Variants in SRD5A2 observed in about 807,000 individuals in gnomAD.
SRD5A2 encodes steroid 5 alpha-reductase 2.
SRD5A2 carries 30 observed loss-of-function variants against 27.4 expected under a neutral mutation model. The observed-to-expected ratio is 1.10, with a 90% confidence interval of 0.82 to 1.49. SRD5A2 has a LOEUF of 1.49. SRD5A2 is among the 40% of genes most tolerant of loss of function. SRD5A2 has a pLI of 0.00. For synonymous variants in SRD5A2, 141 were observed against 133.6 expected (o/e 1.06, Z -0.38); for missense variants, 348 against 323.4 (o/e 1.08, Z -0.58).
At chr2:31,656,788 T>G in the SRD5A2 span, among the ~76,000 whole-genome samples, 607 of 152,328 alleles carry the variant, frequency 4.0e-3, 3 homozygotes, top group Non-Finnish European at 5.6e-3. Context: ...TCAGGTATTT[T>G]GGGACAATAG....
At chr2:31,649,695 G>A in the SRD5A2 span, among the ~76,000 whole-genome samples, 3 of 151,962 alleles carry the variant, frequency 2.0e-5, no homozygotes, top group Admixed American at 6.6e-5. Flanking sequence ...TTCCCAGAGT[G>A]TATCATTGTA....
chr2:31,559,235 G>A (rs926508733), intron 1 of SRD5A2, among the ~76,000 whole-genome samples: 2 of 152,184 alleles, frequency 1.3e-5, no homozygotes, highest in Admixed American at 1.3e-4. Flanking sequence ...GCCGAGTCCA[G>A]AATGGAATGT....
the SRD5A2 span, among the ~76,000 whole-genome samples, chr2:31,639,220 T>G: frequency 6.6e-6 from 1 of 152,116 alleles, no homozygotes; most frequent in Non-Finnish European, 1.5e-5. Flanking sequence ...TTCTACGCTT[T>G]AACTCCATCC....
At chr2:31,563,120 C>T (rs1666659446) in intron 1 of SRD5A2, 1 of 152,102 alleles carries the variant, frequency 6.6e-6, no homozygotes. Context: ...CCACAGGACT[C>T]ATGTAAAGGA....
rs1553322989 is a variant in SRD5A2 at position 31,526,106 on chromosome 2, G to GATATATATATATATATAT, written c.*89_*90insATATATATATATATATAT. Reference sequence around the variant, plus strand: ...GGAGACCTACTATTACATATATACGGGACTATTATATCATGAAAATTACAG... The same window carrying GATATATATATATATATAT: ...GGAGACCTACTATTACATATATACGGATATATATATATATATATGACTATTATATCATGAAAATTACAG... On this transcript the variant is annotated 3_prime_UTR_variant, in exon 5 of 5. Transcript: ENST00000622030. 1.6e-5 allele frequency: 13 copies of GATATATATATATATATAT among 806,598 alleles called. No homozygotes were observed. The African/African-American group carries it at 2.6e-4, about 16-fold the overall frequency. The allele number at this position is 806,598 out of a possible 1,614,324, so 50.0% of individuals were successfully genotyped here. A position where few individuals can be genotyped will look rare whatever the true frequency, so the allele number is the denominator to read the frequency against.
the SRD5A2 span, among the ~76,000 whole-genome samples, chr2:31,646,423 T>C: frequency 1.3e-5 from 2 of 152,274 alleles, no homozygotes; most frequent in African/African-American, 4.8e-5. Flanking sequence ...CCAAGGCTGC[T>C]AGAGCTTTAG....
chr2:31,661,935 A>G, the SRD5A2 span, among the ~76,000 whole-genome samples: 1 of 152,026 alleles, frequency 6.6e-6, no homozygotes, highest in Non-Finnish European at 1.5e-5. Context: ...TATCGGCCAA[A>G]CTTCTACTAA....
chr2:31,570,995 A>G (rs1350475689), intron 1 of SRD5A2, among the ~76,000 whole-genome samples: 1 of 152,204 alleles, frequency 6.6e-6, no homozygotes, highest in African/African-American at 2.4e-5. Flanking sequence ...TACTGATGAC[A>G]TTCTTCACAG....
At chr2:31,548,396 A>G (rs1416097462) in intron 1 of SRD5A2, among the ~76,000 whole-genome samples, 1 of 152,166 alleles carries the variant, frequency 6.6e-6, no homozygotes, top group Non-Finnish European at 1.5e-5. Context: ...AAACTCAACA[A>G]CAACAACAAA....
upstream of SRD5A2, among the ~76,000 whole-genome samples, chr2:31,582,030 G>T (rs1186484818): frequency 6.6e-6 from 1 of 151,814 alleles, no homozygotes; most frequent in Non-Finnish European, 1.5e-5. Context: ...CTTCGACCCG[G>T]CTTTCTCCTT....
intron 1 of SRD5A2, among the ~76,000 whole-genome samples, chr2:31,550,827 G>C (rs1238971134): frequency 6.6e-5 from 10 of 152,058 alleles, no homozygotes; most frequent in Admixed American, 6.5e-4. Flanking sequence ...ACAAGACAAA[G>C]ATGTGCATTC....
the SRD5A2 span, among the ~76,000 whole-genome samples, chr2:31,590,909 T>C: frequency 6.6e-6 from 1 of 152,332 alleles, no homozygotes; most frequent in South Asian, 2.1e-4. Flanking sequence ...CTGGATCCCT[T>C]CCTTACACTT....
chr2:31,605,547 C>T, the SRD5A2 span, among the ~76,000 whole-genome samples: 4 of 151,638 alleles, frequency 2.6e-5, no homozygotes, highest in African/African-American at 9.7e-5. Flanking sequence ...TAAAAAGGTG[C>T]TCAACGTCAT....
intron 1 of SRD5A2, among the ~76,000 whole-genome samples, chr2:31,542,400 T>A (rs1666147065): frequency 1.3e-5 from 2 of 152,150 alleles, no homozygotes; most frequent in Admixed American, 1.3e-4. Context: ...TAGTCCTAGC[T>A]ACTCAAGAGG....
At position 31,567,497 on chromosome 2, in the gene SRD5A2, T is replaced by C. The variant is rs549301282; in HGVS notation, c.281+13123A>G. On this transcript the variant is annotated intron_variant, in intron 1 of 4. Transcript: ENST00000622030. ...ATCTACCAGTGCAGTTTGGTAGATA[T>C]ATTTCATGTCACATGAAGCCATGTG... 2.6e-5 allele frequency among the ~76,000 whole-genome samples: 4 copies of C among 151,252 alleles called. No homozygotes were observed. The South Asian group carries it at 6.3e-4, about 24-fold the overall frequency.
chr2:31,583,826 G>A (rs72867544), upstream of SRD5A2, among the ~76,000 whole-genome samples: 536 of 151,878 alleles, frequency 3.5e-3, 5 homozygotes, highest in African/African-American at 0.012. Flanking sequence ...GGTTTATATC[G>A]ACAGATCCCT....
rs372696005 is a variant in SRD5A2 at position 31,529,489 on chromosome 2, T to A, written c.548-32A>T. On this transcript the variant is annotated intron_variant, in intron 3 of 4. Coordinates refer to ENST00000622030, the MANE Select transcript of SRD5A2 (RefSeq NM_000348.4). ...GCAGAAGAATCGGAAGGTCAATCAT[T>A]GCAACTGAATCATTTTGACATTAAA... 8 of 1,604,684 alleles carry A rather than the reference T, an allele frequency of 5.0e-6. No homozygotes were observed. The African/African-American group carries it at 9.4e-5, about 19-fold the overall frequency.
chr2:31,523,927 C>T lies in SRD5A2; in HGVS notation c.*2269G>A, dbSNP rs376914516. On this transcript the variant is annotated 3_prime_UTR_variant, in exon 5 of 5. Coordinates refer to ENST00000622030, the MANE Select transcript of SRD5A2 (RefSeq NM_000348.4). ...AAGGTTTCAGCTTTCATAGAGTTCA[C>T]GCTACTCTACCCTATATTCAGATTA... The T allele has an allele frequency of 2.3e-5, 5 of 217,974 alleles. No individual in the cohort carries two copies. The highest frequency in any genetic ancestry group is 9.0e-5 in the African/African-American group (4 of 44,592). The allele number at this position is 217,974 out of a possible 1,614,324, so 13.5% of individuals were successfully genotyped here. A position where few individuals can be genotyped will look rare whatever the true frequency, so the allele number is the denominator to read the frequency against.
the SRD5A2 span, among the ~76,000 whole-genome samples, chr2:31,592,994 G>A: frequency 2.0e-5 from 3 of 152,128 alleles, no homozygotes. Flanking sequence ...ATCATTCTCA[G>A]TAAACTATCG....
Sources: gnomAD v4.1 joint callset for allele counts (sites outside exome capture counted in the v4.1 genomes callset) on GRCh38, gnomAD v4.1.1 for gene constraint, MANE v1.5 for transcripts, NCBI Gene and HGNC (gene_info 2026-07-23, HGNC 2026-07-21) for gene names.